The following IL1RAPL1 variants were observed in gnomAD, a reference collection of about 807,000 sequenced individuals.
IL1RAPL1 encodes the protein interleukin 1 receptor accessory protein like 1.
Under a neutral mutation model 48.4 loss-of-function variants are expected in IL1RAPL1, and 3 were observed. That is an observed-to-expected ratio of 0.06 (90% CI 0.03 to 0.16). The LOEUF is 0.16. IL1RAPL1 is among the 10% of genes least tolerant of loss of function. The pLI is 1.00. For synonymous variants in IL1RAPL1, 185 were observed against 187.7 expected, an observed-to-expected ratio of 0.99 and a Z score of 0.12; for missense variants, 349 against 530.6, an observed-to-expected ratio of 0.66 and a Z score of 3.36.
intron 5 of IL1RAPL1, among the ~76,000 whole-genome samples, chrX:29,484,822 G>T (rs1316976180): frequency 8.9e-6 from 1 of 111,893 alleles, no homozygotes; most frequent in Non-Finnish European, 1.9e-5. Flanking sequence ...ATAATATGCA[G>T]TCAGGTTGAG....
intron 5 of IL1RAPL1, among the ~76,000 whole-genome samples, chrX:29,413,332 A>C (rs2147699391): frequency 8.9e-6 from 1 of 111,801 alleles, no homozygotes; most frequent in Non-Finnish European, 1.9e-5. Flanking sequence ...TGTTTCAGTT[A>C]ATGTAATTTT....
intron 5 of IL1RAPL1, among the ~76,000 whole-genome samples, chrX:29,648,092 G>A (rs1389844926): frequency 8.9e-6 from 1 of 111,828 alleles, no homozygotes; most frequent in African/African-American, 3.2e-5. Context: ...TTCAGCAAGA[G>A]GATGTAATGA....
chrX:29,081,020 CTTTCTTTTCTTTTCT>C (rs60180938), intron 2 of IL1RAPL1, among the ~76,000 whole-genome samples: 31 of 41,897 alleles, frequency 7.4e-4, no homozygotes, highest in South Asian at 1.5e-3. Flanking sequence ...CTCTCTCTCT[CTTTCTTTTCTTTTCT>C]TTTCTTTTCT....
At chrX:29,416,467 G>A (rs1466012494) in intron 5 of IL1RAPL1, among the ~76,000 whole-genome samples, 1 of 110,959 alleles carries the variant, frequency 9.0e-6, no homozygotes, top group Non-Finnish European at 1.9e-5. Context: ...ACTTGGGGGG[G>A]CAGAGGTTGC....
intron 2 of IL1RAPL1, among the ~76,000 whole-genome samples, chrX:29,036,771 A>C (rs973003272): frequency 6.3e-5 from 7 of 111,319 alleles, no homozygotes; most frequent in Non-Finnish European, 1.3e-4. Context: ...TAATAGAATC[A>C]ATACAGGTCA....
chrX:29,216,700 G>A (rs536051936), intron 2 of IL1RAPL1, among the ~76,000 whole-genome samples: 2 of 111,760 alleles, frequency 1.8e-5, no homozygotes, highest in African/African-American at 6.5e-5. Flanking sequence ...GGTGGCAAAG[G>A]TTAAGATTTC....
At chrX:29,131,618 A>G (rs1421047580) in intron 2 of IL1RAPL1, among the ~76,000 whole-genome samples, 1 of 111,135 alleles carries the variant, frequency 9.0e-6, no homozygotes, top group Non-Finnish European at 1.9e-5. Context: ...TGCCTTAAGG[A>G]TATGTAGTCT....
At chrX:29,627,523 G>A (rs1407687988) in intron 5 of IL1RAPL1, among the ~76,000 whole-genome samples, 1 of 111,780 alleles carries the variant, frequency 8.9e-6, no homozygotes, top group Non-Finnish European at 1.9e-5. Flanking sequence ...TTACACCATC[G>A]ATTTGTTTAA....
chrX:29,470,441 C>T (rs1447283826), intron 5 of IL1RAPL1, among the ~76,000 whole-genome samples: 1 of 110,896 alleles, frequency 9.0e-6, no homozygotes, highest in Non-Finnish European at 1.9e-5. Flanking sequence ...ACCTATCTTT[C>T]TCAATAGTTA....
intron 1 of IL1RAPL1, among the ~76,000 whole-genome samples, chrX:28,703,344 G>T (rs1302032999): frequency 9.0e-6 from 1 of 111,695 alleles, no homozygotes; most frequent in Non-Finnish European, 1.9e-5. Context: ...ATAAATGTCA[G>T]TCATTCTGAT....
At chrX:29,218,279 C>G (rs1309675968) in intron 2 of IL1RAPL1, among the ~76,000 whole-genome samples, 1 of 111,959 alleles carries the variant, frequency 8.9e-6, no homozygotes, top group Non-Finnish European at 1.9e-5. Flanking sequence ...CCAGTGCACT[C>G]TCTTTGTTAC....
At chrX:29,131,692 A>C (rs1929026159) in intron 2 of IL1RAPL1, among the ~76,000 whole-genome samples, 1 of 111,602 alleles carries the variant, frequency 9.0e-6, no homozygotes, top group Non-Finnish European at 1.9e-5. Context: ...GGAACTTGGT[A>C]AAAATACAAA....
At chrX:29,012,698 A>T (rs779509176) in intron 2 of IL1RAPL1, among the ~76,000 whole-genome samples, 4 of 112,169 alleles carry the variant, frequency 3.6e-5, no homozygotes, top group African/African-American at 9.7e-5. Flanking sequence ...GGAGAAGATG[A>T]TGCTCGCTGC....
At chrX:29,402,100 G>A (rs975961400) in intron 5 of IL1RAPL1, among the ~76,000 whole-genome samples, 6 of 110,819 alleles carry the variant, frequency 5.4e-5, no homozygotes, top group African/African-American at 1.6e-4. Context: ...AACCATGTTG[G>A]CCAGGCTGGT....
At chrX:29,436,393 T>C (rs1051782164) in intron 5 of IL1RAPL1, among the ~76,000 whole-genome samples, 1 of 110,575 alleles carries the variant, frequency 9.0e-6, no homozygotes, top group Non-Finnish European at 1.9e-5. Context: ...AAGCTGCAAA[T>C]GCAGCTTTGA....
intron 2 of IL1RAPL1, among the ~76,000 whole-genome samples, chrX:29,135,570 A>G (rs1322373799): frequency 1.8e-5 from 2 of 111,455 alleles, no homozygotes; most frequent in Non-Finnish European, 3.8e-5. Flanking sequence ...AGAACCCTGG[A>G]CCCCAGACTT....
chrX:29,184,195 T>C (rs1930206023), intron 2 of IL1RAPL1, among the ~76,000 whole-genome samples: 1 of 111,374 alleles, frequency 9.0e-6, no homozygotes, highest in Non-Finnish European at 1.9e-5. Context: ...TGCGTTTCCA[T>C]TTCTCATTTC....
At chrX:29,099,234 T>A (rs938680206) in intron 2 of IL1RAPL1, among the ~76,000 whole-genome samples, 3 of 111,791 alleles carry the variant, frequency 2.7e-5, no homozygotes, top group African/African-American at 9.8e-5. Flanking sequence ...AATCAGTAGG[T>A]CTTGCAAACG....
intron 1 of IL1RAPL1, among the ~76,000 whole-genome samples, chrX:28,761,907 C>G (rs957936): frequency 8.9e-6 from 1 of 111,778 alleles, no homozygotes; most frequent in African/African-American, 3.3e-5. Flanking sequence ...AATCCTGGCT[C>G]TCCGGCTTAC....
Sources: gnomAD v4.1 joint callset for allele counts (sites outside exome capture counted in the v4.1 genomes callset) on GRCh38, gnomAD v4.1.1 for gene constraint, MANE v1.5 for transcripts, NCBI Gene and HGNC (gene_info 2026-07-23, HGNC 2026-07-21) for gene names.